The following LRRTM4 variants were observed in gnomAD, a reference collection of about 807,000 sequenced individuals.
LRRTM4 encodes leucine rich repeat transmembrane neuronal 4.
LRRTM4 carries 25 observed loss-of-function variants against 47.6 expected under a neutral mutation model. That is an observed-to-expected ratio of 0.53 (90% CI 0.38 to 0.73). LRRTM4 has a LOEUF of 0.73. Among genes scored for constraint, LRRTM4 ranks in the 30% least tolerant of loss-of-function variants. LRRTM4 has a pLI of 0.00. For missense variants in LRRTM4, 638 were observed against 713.4 expected (o/e 0.89, Z 1.20); for synonymous variants, 311 against 269.5 (o/e 1.15, Z -1.51).
At chr2:77,128,150 A>T (rs1482262469) in intron 3 of LRRTM4, among the ~76,000 whole-genome samples, 6 of 151,006 alleles carry the variant, frequency 4.0e-5, no homozygotes, top group Admixed American at 2.0e-4. Flanking sequence ...CTCAAAAAAA[A>T]AAACAAAACA....
chr2:77,355,464 A>C (rs895256471), intron 3 of LRRTM4, among the ~76,000 whole-genome samples: 2 of 152,176 alleles, frequency 1.3e-5, no homozygotes, highest in Non-Finnish European at 2.9e-5. Context: ...AAAATGATTC[A>C]TTCTTACTAA....
rs148221953 is a variant in LRRTM4, at chr2:77,117,203, GATTT to G, written c.1552-368291_1552-368288del. On this transcript the variant is annotated intron_variant, in intron 3 of 3. Coordinates refer to ENST00000409884, the MANE Select transcript of LRRTM4 (RefSeq NM_001134745.3). ...ATCATTCATTAGTTGATGGACATTA[GATTT>G]ATTTTTGACTATTTTGACATATGTT... is the stretch of plus-strand genomic sequence containing the variant. Among the ~76,000 whole-genome samples, 1,283 of 152,004 alleles carry G rather than the reference GATTT, an allele frequency of 8.4e-3. 23 individuals are homozygous for G. The highest frequency in any genetic ancestry group is 0.029 in the African/African-American group (1,191 of 41,508).
intron 3 of LRRTM4, among the ~76,000 whole-genome samples, chr2:76,781,961 T>A (rs1389985897): frequency 6.6e-6 from 1 of 152,228 alleles, no homozygotes; most frequent in Non-Finnish European, 1.5e-5. Flanking sequence ...GACATTTTTT[T>A]AAAGCCAAAC....
rs181421760 is a variant in LRRTM4, at chr2:77,332,048, G to A, written c.1551+186270C>T. 1.4e-3 allele frequency among the ~76,000 whole-genome samples: 216 copies of A among 152,204 alleles called. 1 individual carries two copies. The highest frequency in any genetic ancestry group is 5.1e-3 in the African/African-American group (210 of 41,552). ...AGATATTATCATAAATAATAGAGAT[G>A]CAAATATGTTTCTTAAGAAGAACTT... On this transcript the variant is annotated intron_variant, in intron 3 of 3. Coordinates refer to ENST00000409884, the MANE Select transcript of LRRTM4 (RefSeq NM_001134745.3).
chr2:77,005,432 C>T (rs762567252), intron 3 of LRRTM4, among the ~76,000 whole-genome samples: 8 of 152,124 alleles, frequency 5.3e-5, no homozygotes, highest in African/African-American at 7.2e-5. Context: ...CGTGAGCCAC[C>T]GTGCCTGGCT....
At chr2:77,502,447 A>G (rs960093364) in intron 3 of LRRTM4, among the ~76,000 whole-genome samples, 2 of 151,598 alleles carry the variant, frequency 1.3e-5, no homozygotes, top group African/African-American at 2.4e-5. Context: ...TTTGAACTTT[A>G]GTGATATAAA....
chr2:77,255,026 A>C (rs1052789306), intron 3 of LRRTM4, among the ~76,000 whole-genome samples: 1 of 151,966 alleles, frequency 6.6e-6, no homozygotes, highest in African/African-American at 2.4e-5. Context: ...ATGCTACTAC[A>C]TGTTGTCTAT....
rs369204113 is a variant in LRRTM4, at chr2:77,355,156, G to A, written c.1551+163162C>T. Among the ~76,000 whole-genome samples the A allele has an allele frequency of 4.8e-4, 73 of 152,268 alleles. 1 individual carries two copies. The South Asian group carries it at 0.015, about 31-fold the overall frequency. Reference sequence around the variant, plus strand: ...CATGTCATGGTCTAATGAATAAAATGAAAGTGTTATTTATTATACCATATG... The same window carrying A: ...CATGTCATGGTCTAATGAATAAAATAAAAGTGTTATTTATTATACCATATG... On this transcript the variant is annotated intron_variant, in intron 3 of 3. Coordinates refer to ENST00000409884, the MANE Select transcript of LRRTM4 (RefSeq NM_001134745.3).
chr2:77,464,294 A>G (rs1278690006), intron 3 of LRRTM4, among the ~76,000 whole-genome samples: 3 of 152,158 alleles, frequency 2.0e-5, no homozygotes, highest in African/African-American at 4.8e-5. Context: ...CACTTTCTAT[A>G]GATTTCTAAA....
chr2:77,156,063 A>T (rs1573016713), intron 3 of LRRTM4, among the ~76,000 whole-genome samples: 1 of 152,252 alleles, frequency 6.6e-6, no homozygotes, highest in Non-Finnish European at 1.5e-5. Context: ...AAAGAGAAAG[A>T]TATAGAAACC....
chr2:77,083,930 G>A (rs1193082181), intron 3 of LRRTM4, among the ~76,000 whole-genome samples: 4 of 149,502 alleles, frequency 2.7e-5, no homozygotes, highest in South Asian at 2.1e-4. Context: ...TCAGCCTCCC[G>A]AGTAGCTGGG....
chr2:77,486,364 A>G lies in LRRTM4; in HGVS notation c.1551+31954T>C, dbSNP rs763171292. ...TTGGTAAATTGCCTTCCATTCTTCTATATTTGTCTGTTTTAGAAAAATAAA... is the reference window on the plus strand; with the variant it reads ...TTGGTAAATTGCCTTCCATTCTTCTGTATTTGTCTGTTTTAGAAAAATAAA... On this transcript the variant is annotated intron_variant, in intron 3 of 3. Transcript: ENST00000409884. 2.8e-4 allele frequency among the ~76,000 whole-genome samples: 43 copies of G among 152,160 alleles called. 1 individual carries two copies. Among genetic ancestry groups the G allele is most frequent in the Non-Finnish European group, 3.4e-4 (23 of 68,022 alleles).
chr2:76,766,634 TAGG>T (rs1353928462), intron 3 of LRRTM4, among the ~76,000 whole-genome samples: 5 of 152,206 alleles, frequency 3.3e-5, no homozygotes, highest in Non-Finnish European at 7.3e-5. Context: ...CCAGTGCCAA[TAGG>T]AGAGGTAGTA....
At chr2:77,056,088 C>G (rs1039686966) in intron 3 of LRRTM4, among the ~76,000 whole-genome samples, 18 of 149,670 alleles carry the variant, frequency 1.2e-4, no homozygotes, top group Admixed American at 2.7e-4. Context: ...ATACCTAATG[C>G]TAAATGACGA....
intron 3 of LRRTM4, among the ~76,000 whole-genome samples, chr2:77,063,769 TTTA>T: frequency 6.6e-6 from 1 of 152,276 alleles, no homozygotes; most frequent in East Asian, 1.9e-4. Context: ...CTGCCAAATG[TTTA>T]TTATAATAAA....
chr2:76,787,575 AT>A (rs936980973), intron 3 of LRRTM4, among the ~76,000 whole-genome samples: 57 of 146,882 alleles, frequency 3.9e-4, no homozygotes, highest in Middle Eastern at 3.5e-3. Flanking sequence ...AGTTAGGAAA[AT>A]TTTTTTTTTT....
chr2:77,282,320 A>G (rs1676528195), intron 3 of LRRTM4, among the ~76,000 whole-genome samples: 1 of 151,824 alleles, frequency 6.6e-6, no homozygotes, highest in Non-Finnish European at 1.5e-5. Flanking sequence ...GTTGTTTATC[A>G]TTTATAGGAA....
intron 3 of LRRTM4, among the ~76,000 whole-genome samples, chr2:77,043,794 C>T (rs1006794435): frequency 3.3e-5 from 5 of 151,648 alleles, no homozygotes; most frequent in Non-Finnish European, 5.9e-5. Context: ...AGGATTTCTA[C>T]TGGAATAATA....
intron 3 of LRRTM4, among the ~76,000 whole-genome samples, chr2:77,044,548 G>T: frequency 6.6e-6 from 1 of 151,656 alleles, no homozygotes; most frequent in South Asian, 2.1e-4. Flanking sequence ...AAGGGTGTGT[G>T]TGTCTGTGAG....
Sources: allele counts gnomAD v4.1 joint callset (sites outside exome capture counted in the v4.1 genomes callset), GRCh38; gene constraint gnomAD v4.1.1; transcripts MANE v1.5; gene names NCBI Gene and HGNC (gene_info 2026-07-23, HGNC 2026-07-21).